Variants in SPINK6 observed in about 807,000 individuals in gnomAD.
SPINK6 encodes serine protease inhibitor Kazal-type 6.
A neutral mutation model predicts 11.7 loss-of-function variants in SPINK6; 13 were observed. That is an observed-to-expected ratio of 1.11 (90% CI 0.72 to 1.76). The LOEUF (loss-of-function observed/expected upper bound fraction) is 1.76. Ranked by LOEUF, SPINK6 falls within the 40% of genes most tolerant of loss-of-function variation. The pLI, the probability that SPINK6 is intolerant of heterozygous loss-of-function variation, is 0.00. For missense variants in SPINK6, 98 were observed against 93.7 expected (o/e 1.05, Z -0.19); for synonymous variants, 21 against 31.9 (o/e 0.66, Z 1.15).
At chr5:148,203,881 T>G (rs1755465353) in intron 1 of SPINK6, among the ~76,000 whole-genome samples, 1 of 152,164 alleles carries the variant, frequency 6.6e-6, no homozygotes. Flanking sequence ...TAAGCTATTT[T>G]CTTCCTTATT....
chr5:148,215,026 G>T lies in SPINK6; in HGVS notation c.*76G>T. 2 of 1,437,444 alleles carry T rather than the reference G, an allele frequency of 1.4e-6. No individual in the cohort carries two copies. Among genetic ancestry groups the T allele is most frequent in the Non-Finnish European group, 2.0e-6 (2 of 1,023,260 alleles). The allele number at this position is 1,437,444 out of a possible 1,614,324, so 89.0% of individuals were successfully genotyped here. On this transcript the variant is annotated 3_prime_UTR_variant, in exon 4 of 4. Transcript: ENST00000325630. Reference sequence around the variant, plus strand: ...CTCACTTCTGCTTATACTTTTGCTGGTGGATTCCTTTAATTCATAAAGACA... The same window carrying T: ...CTCACTTCTGCTTATACTTTTGCTGTTGGATTCCTTTAATTCATAAAGACA...
chr5:148,209,625 A>T (rs540159838), intron 2 of SPINK6, among the ~76,000 whole-genome samples: 2 of 152,254 alleles, frequency 1.3e-5, no homozygotes, highest in East Asian at 3.9e-4. Flanking sequence ...GTGCAAAAGT[A>T]GCTATTTCTC....
At chr5:148,212,539 A>T (rs1561733597) in intron 2 of SPINK6, among the ~76,000 whole-genome samples, 2 of 30,218 alleles carry the variant, frequency 6.6e-5, no homozygotes, top group Non-Finnish European at 2.0e-4. Flanking sequence ...ATTTTATATA[A>T]GTATATATTT....
intron 2 of SPINK6, among the ~76,000 whole-genome samples, chr5:148,211,109 A>G (rs1444254229): frequency 6.6e-6 from 1 of 151,814 alleles, no homozygotes; most frequent in Non-Finnish European, 1.5e-5. Flanking sequence ...TCAAATTTCC[A>G]GAAGCAATTT....
chr5:148,203,354 A>G (rs1293203685), intron 1 of SPINK6, among the ~76,000 whole-genome samples, 200 bp downstream of exon 1: 2 of 152,168 alleles, frequency 1.3e-5, no homozygotes, highest in Non-Finnish European at 2.9e-5. Flanking sequence ...TTGAGCATAT[A>G]CTATATTCTA....
At chr5:148,210,156 CTGCATGCATATGTATTTCTGCATGCAT>C (rs1755567134) in intron 2 of SPINK6, among the ~76,000 whole-genome samples, 1 of 14,336 alleles carries the variant, frequency 7.0e-5, no homozygotes, top group Non-Finnish European at 5.5e-4. Context: ...GTATGTATTT[CTGCATGCATATGTATTTCTGCATGCAT>C]ATGTATTTCT....
intron 2 of SPINK6, among the ~76,000 whole-genome samples, chr5:148,209,989 C>CCTACACACGTACGT (rs1755553675): frequency 1.3e-5 from 2 of 149,408 alleles, no homozygotes; most frequent in Admixed American, 6.6e-5. Context: ...TGTATGTATA[C>CCTACACACGTACGT]ATATACACGT....
intron 1 of SPINK6, among the ~76,000 whole-genome samples, chr5:148,204,302 G>T (rs149887886): frequency 0.012 from 1,852 of 151,966 alleles, 45 homozygotes; most frequent in African/African-American, 0.043. Context: ...AACCTTAATG[G>T]GTAGTTCAAT....
intron 2 of SPINK6, among the ~76,000 whole-genome samples, chr5:148,212,789 T>G (rs2113318116): frequency 7.4e-6 from 1 of 135,196 alleles, no homozygotes; most frequent in East Asian, 2.1e-4. Flanking sequence ...TATATTATAT[T>G]ATATATTTTA....
In SPINK6 at chr5:148,210,181, CATAT is replaced by C. The variant is rs1755568435; in HGVS notation, c.82-3728_82-3725del. Reference sequence around the variant, plus strand: ...CTGCATGCATATGTATTTCTGCATGCATATGTATTTCTGCATGCATATGTATTTC... The same window carrying C: ...CTGCATGCATATGTATTTCTGCATGCGTATTTCTGCATGCATATGTATTTC... On this transcript the variant is annotated intron_variant, in intron 2 of 3. Transcript: ENST00000325630. Among the ~76,000 whole-genome samples the C allele has an allele frequency of 4.1e-4, 9 of 22,172 alleles. No individual in the cohort carries two copies. In the South Asian group the frequency reaches 0.027, roughly 66 times the overall value. The allele number at this position is 22,172 out of a possible 152,430, so 14.5% of individuals were successfully genotyped here.
At chr5:148,212,498 A>AT in intron 2 of SPINK6, among the ~76,000 whole-genome samples, 3 of 129,372 alleles carry the variant, frequency 2.3e-5, no homozygotes, top group African/African-American at 9.1e-5. Context: ...ATATATATAT[A>AT]AAGTATATAT....
At chr5:148,207,353 T>G (rs1755513053) in intron 2 of SPINK6, among the ~76,000 whole-genome samples, 1 of 152,118 alleles carries the variant, frequency 6.6e-6, no homozygotes, top group Admixed American at 6.5e-5. Flanking sequence ...TTCTCAGATT[T>G]TTTTTCTTAC....
At chr5:148,207,428 C>T (rs1755513938) in intron 2 of SPINK6, among the ~76,000 whole-genome samples, 1 of 152,066 alleles carries the variant, frequency 6.6e-6, no homozygotes, top group Non-Finnish European at 1.5e-5. Flanking sequence ...AGCAGGGCCC[C>T]TGGGTGGGGG....
chr5:148,204,889 T>C (rs1333882500), intron 1 of SPINK6, among the ~76,000 whole-genome samples: 1 of 152,142 alleles, frequency 6.6e-6, no homozygotes, highest in African/African-American at 2.4e-5. Context: ...TACTGAAAAT[T>C]CTAATAATAA....
chr5:148,206,781 T>C (rs942784645), intron 2 of SPINK6, among the ~76,000 whole-genome samples: 2 of 152,222 alleles, frequency 1.3e-5, no homozygotes, highest in Non-Finnish European at 2.9e-5. Flanking sequence ...CCAATCCTGT[T>C]CCTTTGTCCA....
intron 2 of SPINK6, among the ~76,000 whole-genome samples, chr5:148,211,439 T>C (rs1353095039): frequency 6.6e-6 from 1 of 152,214 alleles, no homozygotes; most frequent in Non-Finnish European, 1.5e-5. Flanking sequence ...AGCATAGACC[T>C]GTAATAAGGT....
chr5:148,205,256 G>A (rs1183820953), intron 1 of SPINK6, among the ~76,000 whole-genome samples: 1 of 152,074 alleles, frequency 6.6e-6, no homozygotes, highest in African/African-American at 2.4e-5. Flanking sequence ...TGTGTCAGAG[G>A]GATTGGGAAA....
At chr5:148,213,261 G>A (rs1308003175) in intron 2 of SPINK6, among the ~76,000 whole-genome samples, 5 of 152,012 alleles carry the variant, frequency 3.3e-5, no homozygotes, top group African/African-American at 4.8e-5. Flanking sequence ...GCCCAGGCTG[G>A]AGTGCGGTGG....
Position 148,210,007 on chromosome 5 carries a change from C to CATACACACGTACGTCTGT in SPINK6, c.82-3901_82-3900insACACACGTACGTCTGTAT, listed in dbSNP as rs1554112271. On this transcript the variant is annotated intron_variant, in intron 2 of 3. Coordinates refer to ENST00000325630, the MANE Select transcript of SPINK6 (RefSeq NM_205841.4). ...ATGTATACATATACACGTATGTATA[C>CATACACACGTACGTCTGT]ATGTATGTACGCATGTACGCATGCA... Among the ~76,000 whole-genome samples, 9 of 105,736 alleles carry CATACACACGTACGTCTGT rather than the reference C, an allele frequency of 8.5e-5. 2 individuals are homozygous for CATACACACGTACGTCTGT. Among genetic ancestry groups the CATACACACGTACGTCTGT allele is most frequent in the South Asian group, 3.0e-4 (1 of 3,328 alleles). 69.4% of individuals were successfully genotyped at this position (105,736 alleles called of 152,430 possible).
Sources: allele counts gnomAD v4.1 joint callset (sites outside exome capture counted in the v4.1 genomes callset), GRCh38; gene constraint gnomAD v4.1.1; transcripts MANE v1.5; gene names NCBI Gene and HGNC (gene_info 2026-07-23, HGNC 2026-07-21).